YAP1: variants seen among roughly 807,000 people sequenced by gnomAD.
YAP1 encodes transcriptional coactivator YAP1.
Under a neutral mutation model 56.9 loss-of-function variants are expected in YAP1, and 5 were observed. The ratio of observed to expected loss-of-function variants is 0.09; its 90% CI spans 0.05 to 0.18. The LOEUF is 0.18. Among genes scored for constraint, YAP1 ranks in the 10% least tolerant of loss-of-function variants. YAP1 has a pLI of 1.00. For missense variants in YAP1, 539 were observed against 651.8 expected, an observed-to-expected ratio of 0.83 and a Z score of 1.88; for synonymous variants, 265 against 248.1, an observed-to-expected ratio of 1.07 and a Z score of -0.64.
At position 102,110,861 on chromosome 11, in the gene YAP1, C is replaced by A; in HGVS notation, c.13C>A (p.Gln5Lys). 1 of 1,413,164 alleles carries A rather than the reference C, an allele frequency of 7.1e-7. No individual in the cohort carries two copies. Among genetic ancestry groups the A allele is most frequent in the Non-Finnish European group, 9.2e-7 (1 of 1,082,286 alleles). 87.5% of individuals were successfully genotyped at this position (1,413,164 alleles called of 1,614,324 possible). Residue 5 changes from glutamine to lysine, a missense_variant, in exon 1 of 9, where the codon CAG becomes AAG. Physicochemically the swap from Gln to Lys is moderately conservative, Grantham distance 53 (BLOSUM62 1). This residue lies in a region of YAP1 where 106 missense variants were observed against 86.6 expected (regional missense o/e 1.22). Coordinates refer to ENST00000282441, the MANE Select transcript of YAP1 (RefSeq NM_001130145.3). ...GGAGGCAGAAGCCATGGATCCCGGGCAGCAGCCGCCGCCTCAACCGGCCCC... is the reference window on the plus strand; with the variant it reads ...GGAGGCAGAAGCCATGGATCCCGGGAAGCAGCCGCCGCCTCAACCGGCCCC... Reference protein sequence around the residue: MDPGQQPPPQPAPQG... With the variant: MDPGKQPPPQPAPQG...
chr11:102,149,005 C>T (rs1945479256), intron 2 of YAP1, among the ~76,000 whole-genome samples: 1 of 152,084 alleles, frequency 6.6e-6, no homozygotes, highest in South Asian at 2.1e-4. Context: ...TACTTTTTTA[C>T]TGCTTTGTGT....
At chr11:102,179,489 G>A (rs764616932) in intron 3 of YAP1, among the ~76,000 whole-genome samples, 10 of 151,992 alleles carry the variant, frequency 6.6e-5, no homozygotes, top group African/African-American at 1.2e-4. Flanking sequence ...CCATAAAAAC[G>A]AAGCGAACTG....
rs1947744578 is a variant in YAP1 at position 102,183,361 on chromosome 11, C to T, written c.689-2657C>T. 2.0e-5 allele frequency among the ~76,000 whole-genome samples: 3 copies of T among 152,150 alleles called. No homozygotes were observed. The South Asian group carries it at 6.2e-4, about 31-fold the overall frequency. ...AGCTAGTAAAGAATTTAGGCATTTT[C>T]CTCTTGATGGAGAGCAATAGGAATG... is the stretch of plus-strand genomic sequence containing the variant. On this transcript the variant is annotated intron_variant, in intron 3 of 8. Coordinates refer to ENST00000282441, the MANE Select transcript of YAP1 (RefSeq NM_001130145.3).
At chr11:102,146,361 CCT>C (rs1292777334) in intron 2 of YAP1, among the ~76,000 whole-genome samples, 3 of 152,168 alleles carry the variant, frequency 2.0e-5, no homozygotes, top group Admixed American at 2.0e-4. Context: ...CCTCCTCACT[CCT>C]CTCTCCTGCC....
Position 102,186,685 on chromosome 11 carries a change from G to A in YAP1, c.802+554G>A, listed in dbSNP as rs138927212. ...ATAAATGTTTTTTTTTCTTCATTCA[G>A]AAAACAAAGAAAGCCATATTCCCCT... is the stretch of plus-strand genomic sequence containing the variant. On this transcript the variant is annotated intron_variant, in intron 4 of 8. Coordinates refer to ENST00000282441, the MANE Select transcript of YAP1 (RefSeq NM_001130145.3). 2.6e-5 allele frequency: 4 copies of A among 152,502 alleles called. No homozygotes were observed. The East Asian group carries it at 7.7e-4, about 29-fold the overall frequency. The allele number at this position is 152,502 out of a possible 1,614,324, so 9.4% of individuals were successfully genotyped here.
At chr11:102,204,762 T>C (rs976835970) in intron 4 of YAP1, among the ~76,000 whole-genome samples, 1 of 152,186 alleles carries the variant, frequency 6.6e-6, no homozygotes, top group African/African-American at 2.4e-5. Flanking sequence ...GCCTGTAATT[T>C]TCCTTTCTTT....
intron 7 of YAP1, among the ~76,000 whole-genome samples, chr11:102,224,932 C>T (rs911624650): frequency 6.6e-6 from 1 of 152,160 alleles, no homozygotes; most frequent in Non-Finnish European, 1.5e-5. Context: ...CTATATTAAT[C>T]CCAGGGATAA....
In YAP1 at chr11:102,167,647, T is replaced by G. The variant is rs1362762297; in HGVS notation, c.688+5076T>G. On this transcript the variant is annotated intron_variant, in intron 3 of 8. Coordinates refer to ENST00000282441, the MANE Select transcript of YAP1 (RefSeq NM_001130145.3). ...GACTCCGGAGGCTGAGGCAGGAGAATCACTTGAACCCAGGAGGCGGAGGTT... is the reference window on the plus strand; with the variant it reads ...GACTCCGGAGGCTGAGGCAGGAGAAGCACTTGAACCCAGGAGGCGGAGGTT... 2.0e-5 allele frequency among the ~76,000 whole-genome samples: 3 copies of G among 152,240 alleles called. No homozygotes were observed. In the East Asian group the frequency reaches 5.8e-4, roughly 29 times the overall value.
chr11:102,188,511 G>A lies in YAP1; in HGVS notation c.802+2380G>A, dbSNP rs1003534211. 2.6e-5 allele frequency among the ~76,000 whole-genome samples: 4 copies of A among 152,196 alleles called. No individual in the cohort carries two copies. In the East Asian group the frequency reaches 7.7e-4, roughly 29 times the overall value. The stretch of plus-strand genomic sequence containing the variant: ...TCATTTGCTGCATAATAACGTTTCA[G>A]TCAGCGGCAGACCACATATACAGTC... On this transcript the variant is annotated intron_variant, in intron 4 of 8. Coordinates refer to ENST00000282441, the MANE Select transcript of YAP1 (RefSeq NM_001130145.3).
At position 102,230,057 on chromosome 11, in the gene YAP1, TC is replaced by T; in HGVS notation, c.*119del. 1 of 829,548 alleles carries T rather than the reference TC, an allele frequency of 1.2e-6. No homozygotes were observed. Among genetic ancestry groups the T allele is most frequent in the Non-Finnish European group, 1.9e-6 (1 of 513,776 alleles). The allele number at this position is 829,548 out of a possible 1,614,324, so 51.4% of individuals were successfully genotyped here. ...TAATACAGAAAAAGATGAACAAACG[TC>T]CAGCAAGATACTTTAATCCTCTATT... On this transcript the variant is annotated 3_prime_UTR_variant, in exon 9 of 9. Coordinates refer to ENST00000282441, the MANE Select transcript of YAP1 (RefSeq NM_001130145.3).
chr11:102,230,114 T>A lies in YAP1; in HGVS notation c.*174T>A, dbSNP rs1950384988. ...CTTCCTTGTCCATTGCTGCTGTTAA[T>A]GTATTGCTGACCTCTTTCACAGTTG... On this transcript the variant is annotated 3_prime_UTR_variant, in exon 9 of 9. Coordinates refer to ENST00000282441, the MANE Select transcript of YAP1 (RefSeq NM_001130145.3). The A allele has an allele frequency of 1.7e-6, 1 of 596,660 alleles. No individual in the cohort carries two copies. Among genetic ancestry groups the A allele is most frequent in the African/African-American group, 1.8e-5 (1 of 54,214 alleles). The allele number at this position is 596,660 out of a possible 1,614,324, so 37.0% of individuals were successfully genotyped here.
chr11:102,134,750 C>G (rs1430535985), intron 2 of YAP1, among the ~76,000 whole-genome samples: 1 of 151,956 alleles, frequency 6.6e-6, no homozygotes, highest in East Asian at 1.9e-4. Context: ...ACTCTGTTGC[C>G]CAGGTTGGAG....
At chr11:102,173,173 A>G (rs541066386) in intron 3 of YAP1, among the ~76,000 whole-genome samples, 69 of 152,298 alleles carry the variant, frequency 4.5e-4, no homozygotes, top group African/African-American at 1.6e-3. Context: ...AAGTTAAGTT[A>G]GAAGAAAAGG....
Position 102,143,085 on chromosome 11 carries a change from G to A in YAP1, c.573-19371G>A, listed in dbSNP as rs149774756. On this transcript the variant is annotated intron_variant, in intron 2 of 8. Transcript: ENST00000282441. ...CCAGGTATGTGTCACTCCAAAGCAGGAGCAGTTTCTGTGACCCTATGGCTG... is the reference window on the plus strand; with the variant it reads ...CCAGGTATGTGTCACTCCAAAGCAGAAGCAGTTTCTGTGACCCTATGGCTG... Among the ~76,000 whole-genome samples the A allele has an allele frequency of 3.3e-3, 506 of 152,256 alleles. 2 individuals are homozygous for A. Among genetic ancestry groups the A allele is most frequent in the Admixed American group, 4.9e-3 (75 of 15,286 alleles).
intron 1 of YAP1, among the ~76,000 whole-genome samples, chr11:102,112,189 G>C (rs955992265): frequency 6.6e-6 from 1 of 152,196 alleles, no homozygotes; most frequent in Admixed American, 6.5e-5. Context: ...GTTCAACTGT[G>C]ATTAAAAGTT....
In YAP1 at chr11:102,203,839, G is replaced by C. The variant is rs139443294; in HGVS notation, c.803-2054G>C. On this transcript the variant is annotated intron_variant, in intron 4 of 8. Transcript: ENST00000282441. ...GATGCAGGTAAAGCAGGACTTAAGG[G>C]TAAGTTTATTGACTTAAGTCTTCCA... 2.2e-3 allele frequency among the ~76,000 whole-genome samples: 337 copies of C among 152,216 alleles called. 1 individual carries two copies. Among genetic ancestry groups the C allele is most frequent in the African/African-American group, 7.8e-3 (322 of 41,532 alleles).
intron 3 of YAP1, among the ~76,000 whole-genome samples, chr11:102,180,970 G>A (rs1290052584): frequency 1.3e-5 from 2 of 151,826 alleles, no homozygotes; most frequent in Non-Finnish European, 2.9e-5. Context: ...AACATAATGA[G>A]ACCCCATCTC....
At chr11:102,207,744 G>A (rs1394356944) in intron 5 of YAP1, among the ~76,000 whole-genome samples, 2 of 152,196 alleles carry the variant, frequency 1.3e-5, no homozygotes, top group South Asian at 2.1e-4. Context: ...ACAGGCTCAC[G>A]TTGAAACTGT....
intron 2 of YAP1, among the ~76,000 whole-genome samples, chr11:102,123,725 C>T (rs1231937486): frequency 1.3e-5 from 2 of 149,650 alleles, no homozygotes; most frequent in Non-Finnish European, 3.0e-5. Flanking sequence ...CTGCAAGCTC[C>T]ACCTCCTGGG....
Sources: gnomAD v4.1 joint callset for allele counts (sites outside exome capture counted in the v4.1 genomes callset) on GRCh38, gnomAD v4.1.1 for gene constraint, gnomAD v4.1.1 regional missense constraint, MANE v1.5 for transcripts, NCBI Gene and HGNC (gene_info 2026-07-23, HGNC 2026-07-21) for gene names.